Variants in GALNTL6 observed in about 807,000 individuals in gnomAD.
The protein encoded by GALNTL6 is polypeptide N-acetylgalactosaminyltransferase like 6.
A neutral mutation model predicts 73.7 loss-of-function variants in GALNTL6; 46 were observed. That is an observed-to-expected ratio of 0.62 (90% CI 0.49 to 0.80). GALNTL6 has a LOEUF of 0.80. Among genes scored for constraint, GALNTL6 ranks in the 30% least tolerant of loss-of-function variants. The pLI is 0.00. For synonymous variants in GALNTL6, 259 were observed against 263.7 expected, an observed-to-expected ratio of 0.98 and a Z score of 0.17; for missense variants, 604 against 755.0, an observed-to-expected ratio of 0.80 and a Z score of 2.34.
chr4:172,788,685 A>T (rs1014910983), intron 5 of GALNTL6, among the ~76,000 whole-genome samples: 3 of 151,388 alleles, frequency 2.0e-5, no homozygotes, highest in Non-Finnish European at 4.4e-5. Context: ...AAAAAAAAAA[A>T]AAAAAAGATA....
At chr4:172,559,246 A>G (rs1201195796) in intron 5 of GALNTL6, among the ~76,000 whole-genome samples, 1 of 151,590 alleles carries the variant, frequency 6.6e-6, no homozygotes, top group African/African-American at 2.4e-5. Context: ...TTGTATTTTT[A>G]GTAGAGACGG....
At chr4:173,010,133 C>T (rs969406275) in intron 11 of GALNTL6, among the ~76,000 whole-genome samples, 2 of 152,114 alleles carry the variant, frequency 1.3e-5, no homozygotes, top group Non-Finnish European at 2.9e-5. Flanking sequence ...TTAGCATCCC[C>T]ACCTCCCACT....
intron 5 of GALNTL6, among the ~76,000 whole-genome samples, chr4:172,566,955 G>T (rs1288623145): frequency 6.6e-6 from 1 of 150,656 alleles, no homozygotes; most frequent in African/African-American, 2.4e-5. Flanking sequence ...ACAAGAAAAA[G>T]ATTCATTTTC....
chr4:172,524,476 G>C (rs1056709589), intron 5 of GALNTL6, among the ~76,000 whole-genome samples: 1 of 151,994 alleles, frequency 6.6e-6, no homozygotes, highest in African/African-American at 2.4e-5. Flanking sequence ...GAAGTGAGTA[G>C]CTATATTTCA....
chr4:172,585,641 T>C (rs951401380), intron 5 of GALNTL6, among the ~76,000 whole-genome samples: 2 of 152,182 alleles, frequency 1.3e-5, no homozygotes, highest in African/African-American at 2.4e-5. Context: ...CACATTTTCT[T>C]TATCCAGTCT....
chr4:172,605,158 G>A (rs1489440221), intron 5 of GALNTL6, among the ~76,000 whole-genome samples: 2 of 152,184 alleles, frequency 1.3e-5, no homozygotes, highest in African/African-American at 4.8e-5. Context: ...CTCAATATCT[G>A]TGGGTTAGTC....
chr4:171,939,924 A>T (rs990439465), intron 2 of GALNTL6, among the ~76,000 whole-genome samples: 2 of 152,200 alleles, frequency 1.3e-5, no homozygotes, highest in African/African-American at 4.8e-5. Context: ...ATATGGAATC[A>T]TATAATAAAG....
intron 3 of GALNTL6, among the ~76,000 whole-genome samples, chr4:172,249,274 G>T (rs191595897): frequency 1.6e-4 from 25 of 152,306 alleles, no homozygotes; most frequent in South Asian, 1.5e-3. Context: ...TTTGGCCCTT[G>T]CCCTAGAGAT....
At chr4:171,993,825 A>C (rs1740410191) in intron 2 of GALNTL6, among the ~76,000 whole-genome samples, 1 of 151,792 alleles carries the variant, frequency 6.6e-6, no homozygotes, top group African/African-American at 2.4e-5. Flanking sequence ...TATATATGTA[A>C]TGTAAAGACA....
At chr4:172,603,482 A>T (rs1465063621) in intron 5 of GALNTL6, among the ~76,000 whole-genome samples, 1 of 152,186 alleles carries the variant, frequency 6.6e-6, no homozygotes, top group African/African-American at 2.4e-5. Context: ...TTTTCTTTTG[A>T]ACAACACTGC....
At chr4:171,887,741 G>T (rs1342738045) in intron 2 of GALNTL6, among the ~76,000 whole-genome samples, 2 of 151,978 alleles carry the variant, frequency 1.3e-5, no homozygotes, top group African/African-American at 2.4e-5. Flanking sequence ...ATCTTGAAAG[G>T]TATGCAATTT....
intron 5 of GALNTL6, among the ~76,000 whole-genome samples, chr4:172,651,232 GACA>G (rs1740462398): frequency 6.6e-6 from 1 of 152,134 alleles, no homozygotes; most frequent in Non-Finnish European, 1.5e-5. Flanking sequence ...AGTGAGAAAA[GACA>G]ACAAGCCAAC....
At chr4:172,334,079 G>T (rs1367824912) in intron 4 of GALNTL6, among the ~76,000 whole-genome samples, 1 of 152,038 alleles carries the variant, frequency 6.6e-6, no homozygotes, top group African/African-American at 2.4e-5. Flanking sequence ...AGTGCTATTT[G>T]GTATGGGTTA....
chr4:172,295,056 A>G (rs1739617687), intron 3 of GALNTL6, among the ~76,000 whole-genome samples: 1 of 152,192 alleles, frequency 6.6e-6, no homozygotes. Context: ...CTAAATAAAT[A>G]TTACATAGTG....
At chr4:172,833,279 C>G (rs1338211387) in intron 7 of GALNTL6, among the ~76,000 whole-genome samples, 2 of 148,776 alleles carry the variant, frequency 1.3e-5, no homozygotes, top group Non-Finnish European at 3.0e-5. Context: ...ATTCTGGAAA[C>G]CTTATGTTGA....
At position 172,487,915 on chromosome 4, in the gene GALNTL6, T is replaced by C. The variant is rs531512303; in HGVS notation, c.553+139226T>C. On this transcript the variant is annotated intron_variant, in intron 5 of 12. Coordinates refer to ENST00000506823, the MANE Select transcript of GALNTL6 (RefSeq NM_001034845.3). ...GGAGAATTAGGTGCTACCATAGAAT[T>C]ATTTTTAAAATGCAGCAGAGAATAG... is the stretch of plus-strand genomic sequence containing the variant. Among the ~76,000 whole-genome samples, 1,312 of 152,312 alleles carry C rather than the reference T, an allele frequency of 8.6e-3. 5 individuals carry two copies. Among genetic ancestry groups the C allele is most frequent in the Middle Eastern group, 0.02 (6 of 294 alleles).
chr4:172,321,229 C>A (rs541113335), intron 4 of GALNTL6, among the ~76,000 whole-genome samples: 10 of 152,062 alleles, frequency 6.6e-5, no homozygotes, highest in Non-Finnish European at 1.2e-4. Flanking sequence ...AACATATCCC[C>A]CATGGATGTG....
intron 9 of GALNTL6, among the ~76,000 whole-genome samples, chr4:172,948,435 T>C (rs1254642877): frequency 6.6e-6 from 1 of 152,046 alleles, no homozygotes; most frequent in African/African-American, 2.4e-5. Context: ...TTGATTTTTC[T>C]TTTTGCTGTT....
At chr4:172,419,112 G>A (rs1281515678) in intron 5 of GALNTL6, among the ~76,000 whole-genome samples, 1 of 151,998 alleles carries the variant, frequency 6.6e-6, no homozygotes, top group Non-Finnish European at 1.5e-5. Flanking sequence ...GTGTGTGTAT[G>A]TGTGTGTGTG....
Sources: allele counts gnomAD v4.1 joint callset (sites outside exome capture counted in the v4.1 genomes callset), GRCh38; gene constraint gnomAD v4.1.1; transcripts MANE v1.5; gene names NCBI Gene and HGNC (gene_info 2026-07-23, HGNC 2026-07-21).